Variants in SPAG16 observed in about 807,000 individuals in gnomAD.
SPAG16 encodes sperm associated antigen 16.
Under a neutral mutation model 80.4 loss-of-function variants are expected in SPAG16, and 86 were observed. The ratio of observed to expected loss-of-function variants is 1.07; its 90% CI spans 0.90 to 1.28. The LOEUF is 1.28. SPAG16 is among the 50% of genes most tolerant of loss of function. The pLI is 0.00. For synonymous variants in SPAG16, 294 were observed against 265.9 expected, an observed-to-expected ratio of 1.11 and a Z score of -1.03; for missense variants, 870 against 765.3, an observed-to-expected ratio of 1.14 and a Z score of -1.61.
At chr2:213,930,607 C>T (rs1259205728) in intron 12 of SPAG16, among the ~76,000 whole-genome samples, 1 of 151,966 alleles carries the variant, frequency 6.6e-6, no homozygotes, top group South Asian at 2.1e-4. Flanking sequence ...TGTTTCTTGT[C>T]GATTCACAAA....
At chr2:213,393,405 A>C (rs913151532) in intron 9 of SPAG16, among the ~76,000 whole-genome samples, 1 of 151,708 alleles carries the variant, frequency 6.6e-6, no homozygotes, top group Non-Finnish European at 1.5e-5. Flanking sequence ...ATATATTTTT[A>C]AAATGAAAAT....
At chr2:213,729,016 G>A (rs2066912455) in intron 10 of SPAG16, among the ~76,000 whole-genome samples, 1 of 151,348 alleles carries the variant, frequency 6.6e-6, no homozygotes, top group South Asian at 2.1e-4. Context: ...ATTTTTTGAT[G>A]GGGATAGTAA....
At chr2:213,651,107 C>T (rs1159869124) in intron 10 of SPAG16, among the ~76,000 whole-genome samples, 1 of 152,156 alleles carries the variant, frequency 6.6e-6, no homozygotes, top group Non-Finnish European at 1.5e-5. Context: ...CCTTTGATAA[C>T]TACTAAATAC....
At chr2:214,149,591 T>C (rs1008725580) in intron 15 of SPAG16, among the ~76,000 whole-genome samples, 1 of 152,076 alleles carries the variant, frequency 6.6e-6, no homozygotes, top group Non-Finnish European at 1.5e-5. Flanking sequence ...AATTCGATTT[T>C]CTAAAGGCAA....
chr2:213,650,817 A>G (rs1218676856), intron 10 of SPAG16, among the ~76,000 whole-genome samples: 1 of 152,180 alleles, frequency 6.6e-6, no homozygotes, highest in Non-Finnish European at 1.5e-5. Context: ...CAGGGATTCA[A>G]TCTTGTCATT....
chr2:214,295,290 C>T lies in SPAG16; in HGVS notation c.1721-114850C>T, dbSNP rs972411168. ...TATCAATGCCTGCTTTGTTATACAG[C>T]GAACTCTCTGCTAACACTCATACCA... On this transcript the variant is annotated intron_variant, in intron 15 of 15. Coordinates refer to ENST00000331683, the MANE Select transcript of SPAG16 (RefSeq NM_024532.5). Among the ~76,000 whole-genome samples, 13 of 152,168 alleles carry T rather than the reference C, an allele frequency of 8.5e-5. No individual in the cohort carries two copies. In the East Asian group the frequency reaches 1.9e-3, roughly 23 times the overall value.
At chr2:213,849,585 G>A (rs996345096) in intron 10 of SPAG16, among the ~76,000 whole-genome samples, 3 of 152,004 alleles carry the variant, frequency 2.0e-5, no homozygotes, top group Admixed American at 6.6e-5. Flanking sequence ...ATAAATTGGA[G>A]CCACATTGAA....
At chr2:213,611,712 A>C (rs2061445085) in intron 10 of SPAG16, among the ~76,000 whole-genome samples, 1 of 152,174 alleles carries the variant, frequency 6.6e-6, no homozygotes, top group African/African-American at 2.4e-5. Context: ...TATACATATC[A>C]AGTTATTAGC....
intron 12 of SPAG16, among the ~76,000 whole-genome samples, chr2:214,009,987 A>G (rs1426985927): frequency 1.7e-5 from 2 of 117,422 alleles, no homozygotes; most frequent in African/African-American, 8.8e-5. Flanking sequence ...AAGTGCATAA[A>G]GGAATCACCT....
At chr2:214,346,399 C>G (rs143948307) in intron 15 of SPAG16, among the ~76,000 whole-genome samples, 1 of 152,226 alleles carries the variant, frequency 6.6e-6, no homozygotes, top group African/African-American at 2.4e-5. Flanking sequence ...ATGCCTGATT[C>G]AAATCTCTTG....
intron 10 of SPAG16, among the ~76,000 whole-genome samples, chr2:213,611,387 A>G (rs2061435641): frequency 6.6e-6 from 1 of 152,184 alleles, no homozygotes; most frequent in Non-Finnish European, 1.5e-5. Flanking sequence ...GTGATTTTAT[A>G]TTTAGGAATC....
intron 10 of SPAG16, among the ~76,000 whole-genome samples, chr2:213,751,215 T>C (rs1437889082): frequency 6.6e-6 from 1 of 152,140 alleles, no homozygotes; most frequent in Admixed American, 6.5e-5. Context: ...TGCCTCTACA[T>C]TTATTTTTAG....
chr2:214,202,187 T>C (rs1189240780), intron 15 of SPAG16, among the ~76,000 whole-genome samples: 2 of 152,208 alleles, frequency 1.3e-5, no homozygotes. Flanking sequence ...ACTTTGGATG[T>C]GGGAGACGTT....
intron 12 of SPAG16, among the ~76,000 whole-genome samples, chr2:213,962,042 C>T (rs10192030): frequency 0.42 from 63,188 of 151,828 alleles, 13,190 homozygotes; most frequent in South Asian, 0.51. Context: ...TTTTAAATTA[C>T]TAATTGTTAT....
At chr2:213,611,288 C>T (rs1386085374) in intron 10 of SPAG16, among the ~76,000 whole-genome samples, 1 of 152,130 alleles carries the variant, frequency 6.6e-6, no homozygotes, top group Non-Finnish European at 1.5e-5. Context: ...GCTCCTATGG[C>T]ATGTTTTTTG....
intron 10 of SPAG16, among the ~76,000 whole-genome samples, chr2:213,781,502 C>T (rs1304419444): frequency 6.6e-6 from 1 of 152,100 alleles, no homozygotes; most frequent in South Asian, 2.1e-4. Context: ...CTAACCCCTC[C>T]CCTGCCCATA....
At chr2:214,060,720 A>T (rs1325285999) in intron 13 of SPAG16, among the ~76,000 whole-genome samples, 1 of 152,182 alleles carries the variant, frequency 6.6e-6, no homozygotes, top group Non-Finnish European at 1.5e-5. Context: ...AATATTCAGA[A>T]TTCCAATAGG....
intron 14 of SPAG16, among the ~76,000 whole-genome samples, chr2:214,145,805 A>T (rs1181153599): frequency 6.6e-6 from 1 of 152,180 alleles, no homozygotes; most frequent in Admixed American, 6.5e-5. Flanking sequence ...AATTATTTTA[A>T]ATCACATAGA....
chr2:213,611,261 G>A (rs942889581), intron 10 of SPAG16, among the ~76,000 whole-genome samples: 7 of 152,170 alleles, frequency 4.6e-5, no homozygotes, highest in Admixed American at 1.3e-4. Flanking sequence ...AGAGGGCAAA[G>A]GGGAAGTTTT....
Sources: gnomAD v4.1 joint callset for allele counts (sites outside exome capture counted in the v4.1 genomes callset) on GRCh38, gnomAD v4.1.1 for gene constraint, MANE v1.5 for transcripts, NCBI Gene and HGNC (gene_info 2026-07-23, HGNC 2026-07-21) for gene names.